MAD1L1: variants seen among roughly 807,000 people sequenced by gnomAD.
MAD1L1 encodes mitotic spindle assembly checkpoint protein MAD1.
MAD1L1 carries 95 observed loss-of-function variants against 96.9 expected under a neutral mutation model. The ratio of observed to expected loss-of-function variants is 0.98; its 90% CI spans 0.83 to 1.16. MAD1L1 has a LOEUF of 1.16. Among genes scored for constraint, MAD1L1 ranks in the 50% most tolerant of loss-of-function variants. The pLI is 0.00. For missense variants in MAD1L1, 1,007 were observed against 954.4 expected (o/e 1.06, Z -0.73); for synonymous variants, 473 against 396.6 (o/e 1.19, Z -2.29).
chr7:2,060,148 A>AAGATACGCCGAAGCCG (rs1213192263), intron 12 of MAD1L1, among the ~76,000 whole-genome samples: 1 of 147,182 alleles, frequency 6.8e-6, no homozygotes, highest in Non-Finnish European at 1.5e-5. Context: ...CGCAGATGCC[A>AAGATACGCCGAAGCCG]AGATACGCCG....
intron 12 of MAD1L1, among the ~76,000 whole-genome samples, chr7:2,062,343 G>A (rs986805071): frequency 2.0e-5 from 3 of 151,616 alleles, no homozygotes; most frequent in South Asian, 2.1e-4. Flanking sequence ...TTGGGAGGCC[G>A]AAGTAGGGGG....
At chr7:2,016,452 C>A (rs1018195531) in intron 12 of MAD1L1, among the ~76,000 whole-genome samples, 4 of 152,210 alleles carry the variant, frequency 2.6e-5, no homozygotes, top group African/African-American at 9.7e-5. Flanking sequence ...GGGTCCCTTC[C>A]GTGCGGCCTC....
chr7:2,097,129 C>T (rs1469062673), intron 11 of MAD1L1, among the ~76,000 whole-genome samples: 2 of 152,156 alleles, frequency 1.3e-5, no homozygotes, highest in African/African-American at 4.8e-5. Flanking sequence ...CCACCACACC[C>T]CATGGCACCC....
At position 2,139,800 on chromosome 7, in the gene MAD1L1, A is replaced by AC. The variant is rs1241859029; in HGVS notation, c.1073+9351dup. On this transcript the variant is annotated intron_variant, in intron 11 of 18. Coordinates refer to ENST00000265854, the MANE Select transcript of MAD1L1 (RefSeq NM_001013836.2). ...TGCAGCTCGGACCACACTTCCCCCG[A>AC]CCCTCAAGGCTAAGGTTTTGTGGGT... 2.0e-5 allele frequency among the ~76,000 whole-genome samples: 3 copies of AC among 152,142 alleles called. No homozygotes were observed. The East Asian group carries it at 5.8e-4, about 29-fold the overall frequency.
At chr7:1,944,236 A>G (rs2128468150) in intron 16 of MAD1L1, among the ~76,000 whole-genome samples, 1 of 152,288 alleles carries the variant, frequency 6.6e-6, no homozygotes, top group East Asian at 1.9e-4. Flanking sequence ...AGGGTGATGG[A>G]TAACTAGAGG....
rs1413138275 is a variant in MAD1L1 at position 2,210,409 on chromosome 7, AGGAG to A, written c.986+2799_986+2802del. Reference sequence around the variant, plus strand: ...TTTACCAAACCCTCCCGGTGATTCTAGGAGCCGTATTCGGGACCGCCAGCCCGCA... The same window carrying A: ...TTTACCAAACCCTCCCGGTGATTCTACCGTATTCGGGACCGCCAGCCCGCA... On this transcript the variant is annotated intron_variant, in intron 10 of 18. Coordinates refer to ENST00000265854, the MANE Select transcript of MAD1L1 (RefSeq NM_001013836.2). Among the ~76,000 whole-genome samples, 733 of 144,580 alleles carry A rather than the reference AGGAG, an allele frequency of 5.1e-3. 7 individuals are homozygous for A. The highest frequency in any genetic ancestry group is 8.0e-3 in the Non-Finnish European group (513 of 64,156). 94.9% of individuals were successfully genotyped at this position (144,580 alleles called of 152,430 possible). A position where few individuals can be genotyped will look rare whatever the true frequency, so the allele number is the denominator to read the frequency against.
chr7:2,083,701 G>A (rs979398112), intron 11 of MAD1L1, among the ~76,000 whole-genome samples: 1 of 152,242 alleles, frequency 6.6e-6, no homozygotes, highest in African/African-American at 2.4e-5. Flanking sequence ...CCCGGCCTCC[G>A]CCACTGACCT....
At chr7:2,051,823 A>G (rs1463022644) in intron 12 of MAD1L1, among the ~76,000 whole-genome samples, 1 of 90,430 alleles carries the variant, frequency 1.1e-5, no homozygotes, top group African/African-American at 4.2e-5. Context: ...ATCCCCCACC[A>G]GCTGCCTGGG....
At chr7:2,184,245 C>G (rs1310953331) in intron 10 of MAD1L1, among the ~76,000 whole-genome samples, 2 of 151,882 alleles carry the variant, frequency 1.3e-5, no homozygotes, top group East Asian at 3.9e-4. Context: ...GAGCGAGACT[C>G]TGTCTCAAAT....
chr7:2,018,782 C>T (rs1264261250), intron 12 of MAD1L1, among the ~76,000 whole-genome samples: 1 of 152,174 alleles, frequency 6.6e-6, no homozygotes, highest in Non-Finnish European at 1.5e-5. Context: ...CCACTCCCGC[C>T]CGGCCTCTGC....
chr7:2,155,815 T>C (rs1181535481), intron 10 of MAD1L1, among the ~76,000 whole-genome samples: 1 of 152,216 alleles, frequency 6.6e-6, no homozygotes, highest in African/African-American at 2.4e-5. Flanking sequence ...CTCGGGTGGA[T>C]ACGCAGAAGC....
chr7:2,211,492 C>T lies in MAD1L1; in HGVS notation c.986+1720G>A, dbSNP rs186211785. Among the ~76,000 whole-genome samples the T allele has an allele frequency of 2.8e-3, 423 of 152,348 alleles. 2 individuals are homozygous for T. Among genetic ancestry groups the T allele is most frequent in the African/African-American group, 9.3e-3 (386 of 41,588 alleles). The stretch of plus-strand genomic sequence containing the variant: ...TGCACACTGGACCCTCCAGCAGGGC[C>T]GGGCCCATCAGGCACGTGGGGGCCT... On this transcript the variant is annotated intron_variant, in intron 10 of 18. Transcript: ENST00000265854.
intron 18 of MAD1L1, among the ~76,000 whole-genome samples, chr7:1,896,786 G>GA (rs1240243142): frequency 6.6e-6 from 1 of 152,232 alleles, no homozygotes; most frequent in Non-Finnish European, 1.5e-5. Flanking sequence ...GGGATCCGGG[G>GA]AAAACGCTGC....
intron 12 of MAD1L1, among the ~76,000 whole-genome samples, chr7:2,038,087 C>T (rs1783518479): frequency 6.6e-6 from 1 of 152,178 alleles, no homozygotes; most frequent in Non-Finnish European, 1.5e-5. Context: ...TGTCTTATTG[C>T]TGATACGGAG....
intron 15 of MAD1L1, 33 bp from the exon 16 acceptor site, chr7:1,957,752 C>T (rs774115906): frequency 2.2e-5 from 35 of 1,607,132 alleles, no homozygotes; most frequent in Non-Finnish European, 2.5e-5. Context: ...ACCAGGTGTC[C>T]GAGGCCAGCC....
intron 17 of MAD1L1, among the ~76,000 whole-genome samples, chr7:1,926,089 C>G (rs888866417): frequency 2.0e-5 from 3 of 152,144 alleles, no homozygotes; most frequent in Non-Finnish European, 2.9e-5. Flanking sequence ...GCTACGAACC[C>G]AGCAGGCACG....
intron 14 of MAD1L1, among the ~76,000 whole-genome samples, chr7:1,998,656 G>A (rs1781659632): frequency 6.6e-6 from 1 of 152,190 alleles, no homozygotes; most frequent in African/African-American, 2.4e-5. Flanking sequence ...AGAAAGCTCA[G>A]TCACTGAGAA....
chr7:1,820,883 C>G (rs1306372851), intron 18 of MAD1L1, among the ~76,000 whole-genome samples: 1 of 151,966 alleles, frequency 6.6e-6, no homozygotes, highest in Non-Finnish European at 1.5e-5. Context: ...AGATCAAGAC[C>G]ATCCTGGCTA....
intron 12 of MAD1L1, among the ~76,000 whole-genome samples, chr7:2,041,188 C>G (rs1182349244): frequency 6.6e-6 from 1 of 152,234 alleles, no homozygotes; most frequent in African/African-American, 2.4e-5. Flanking sequence ...GGCCCCTGCC[C>G]TGCCTCCCCT....
Sources: gnomAD v4.1 joint callset for allele counts (sites outside exome capture counted in the v4.1 genomes callset) on GRCh38, gnomAD v4.1.1 for gene constraint, MANE v1.5 for transcripts, NCBI Gene and HGNC (gene_info 2026-07-23, HGNC 2026-07-21) for gene names.